Variants in PHF20L1 observed in about 807,000 individuals in gnomAD.
The protein encoded by PHF20L1 is PHD finger protein 20 like 1.
PHF20L1 carries 44 observed loss-of-function variants against 125.5 expected under a neutral mutation model. That is an observed-to-expected ratio of 0.35 (90% CI 0.28 to 0.45). The LOEUF is 0.45. Ranked by LOEUF, PHF20L1 falls within the 20% of genes least tolerant of loss-of-function variation. The pLI, the probability that PHF20L1 is intolerant of heterozygous loss-of-function variation, is 1.00. For missense variants in PHF20L1, 1,012 were observed against 1,217.2 expected (o/e 0.83, Z 2.51); for synonymous variants, 380 against 403.1 (o/e 0.94, Z 0.69).
chr8:132,785,430 T>A (rs112821900), intron 2 of PHF20L1, among the ~76,000 whole-genome samples: 1,803 of 152,044 alleles, frequency 0.012, 19 homozygotes, highest in Middle Eastern at 0.021. Flanking sequence ...TTTTAAGTGA[T>A]TTCTTTTAAG....
At chr8:132,838,709 A>G (rs936402446) in intron 17 of PHF20L1, 3 of 152,196 alleles carry the variant, frequency 2.0e-5, no homozygotes, top group Non-Finnish European at 2.9e-5. Flanking sequence ...GAATGTAGAC[A>G]TTTGTTCATT....
At position 132,846,958 on chromosome 8, in the gene PHF20L1, T is replaced by A. The variant is rs1007029125; in HGVS notation, c.*1035T>A. The A allele has an allele frequency of 6.6e-6, 1 of 152,574 alleles. No individual in the cohort carries two copies. The allele number at this position is 152,574 out of a possible 1,614,324, so 9.5% of individuals were successfully genotyped here. ...ACTGGAAAAGCTTCATTTCTGAAGA[T>A]GAATTTTATTTTTAAAAAATACATG... On this transcript the variant is annotated 3_prime_UTR_variant, in exon 21 of 21. Coordinates refer to ENST00000395386, the MANE Select transcript of PHF20L1 (RefSeq NM_016018.5).
At chr8:132,822,874 T>G (rs1002764809) in intron 12 of PHF20L1, among the ~76,000 whole-genome samples, 4 of 151,238 alleles carry the variant, frequency 2.6e-5, no homozygotes, top group African/African-American at 9.7e-5. Flanking sequence ...TGTAGAATGA[T>G]CTTAAAAAAT....
chr8:132,780,886 C>G (rs1479913574), intron 2 of PHF20L1, among the ~76,000 whole-genome samples: 2 of 141,926 alleles, frequency 1.4e-5, no homozygotes, highest in Non-Finnish European at 3.0e-5. Context: ...TTCTGTTTCT[C>G]AGGCTGGGAG....
chr8:132,797,213 A>G (rs763031921), intron 4 of PHF20L1, among the ~76,000 whole-genome samples: 32 of 152,062 alleles, frequency 2.1e-4, no homozygotes, highest in Middle Eastern at 3.2e-3. Context: ...CAAGTGGTGG[A>G]TAGGCCTGCC....
chr8:132,806,084 A>G (rs1280357396), intron 8 of PHF20L1, among the ~76,000 whole-genome samples: 1 of 151,918 alleles, frequency 6.6e-6, no homozygotes, highest in Admixed American at 6.6e-5. Flanking sequence ...AAACAACACT[A>G]TTGGAGGAGT....
intron 15 of PHF20L1, among the ~76,000 whole-genome samples, chr8:132,835,710 G>A (rs1457144430): frequency 6.6e-6 from 1 of 152,088 alleles, no homozygotes; most frequent in Non-Finnish European, 1.5e-5. Context: ...CACGGTTCCG[G>A]TTTTAAGAAA....
chr8:132,846,505 TG>T lies in PHF20L1; in HGVS notation c.*586del, dbSNP rs1344239632. 3.3e-5 allele frequency: 5 copies of T among 152,550 alleles called. No individual in the cohort carries two copies. The highest frequency in any genetic ancestry group is 9.7e-5 in the African/African-American group (4 of 41,426). 9.4% of individuals were successfully genotyped at this position (152,550 alleles called of 1,614,324 possible). On this transcript the variant is annotated 3_prime_UTR_variant, in exon 21 of 21. Transcript: ENST00000395386. The stretch of plus-strand genomic sequence containing the variant: ...AAACTGACAGTAGAAATCTCACTTC[TG>T]GGGAAAACAGTTGTGGAATTCTTAC...
rs377513749 is a variant in PHF20L1 at position 132,844,191 on chromosome 8, T to C, written c.2784T>C (p.Asn928=). 29 of 1,612,944 alleles carry C rather than the reference T, an allele frequency of 1.8e-5. No individual in the cohort carries two copies. In the African/African-American group the frequency reaches 3.3e-4, roughly 19 times the overall value. The part of the protein sequence containing the change: ...PAEGNTVFVY[N]DKKGTEDPGD... ...AAGGGAATACAGTATTTGTTTATAATGATAAAAAGGGCACCGAAGACCCAG... is the reference window on the plus strand; with the variant it reads ...AAGGGAATACAGTATTTGTTTATAACGATAAAAAGGGCACCGAAGACCCAG... Residue 928 remains asparagine, a synonymous_variant, in exon 20 of 21, where the codon AAT becomes AAC. Transcript: ENST00000395386.
intron 6 of PHF20L1, chr8:132,803,537 C>T (rs185111552): frequency 9.3e-5 from 31 of 334,604 alleles, no homozygotes; most frequent in African/African-American, 6.7e-4. Context: ...CATAGGTTTC[C>T]TCTGCTATTT....
intron 18 of PHF20L1, chr8:132,842,173 C>T (rs375030545): frequency 2.4e-5 from 4 of 168,272 alleles, no homozygotes; most frequent in African/African-American, 9.5e-5. Context: ...CACTTTTTGA[C>T]TGAATAAAAG....
chr8:132,782,091 C>G (rs1830495954), intron 2 of PHF20L1, among the ~76,000 whole-genome samples: 1 of 152,226 alleles, frequency 6.6e-6, no homozygotes, highest in South Asian at 2.1e-4. Flanking sequence ...AAACTCTGTG[C>G]ATCCAAACCT....
chr8:132,837,582 A>G (rs1837505089), intron 16 of PHF20L1, 130 bp from the exon 17 acceptor site: 2 of 642,018 alleles, frequency 3.1e-6, no homozygotes, highest in Non-Finnish European at 5.6e-6. Context: ...TTGTTGTGTC[A>G]AATAAGTATG....
Position 132,836,662 on chromosome 8 carries a change from C to T in PHF20L1, c.2032C>T (p.Leu678Phe), listed in dbSNP as rs1477330250. ...GGAATCTCAGGATGAGGATGATGCT[C>T]TTAATGAAATTGTGCGATGTATTTG... Reference protein sequence around the residue: ...FEESQDEDDALNEIVRCICEM... With the variant: ...FEESQDEDDAFNEIVRCICEM... The change falls in exon 16 of 21, where the codon CTT becomes TTT. Residue 678 changes from leucine to phenylalanine, a missense_variant. Coordinates refer to ENST00000395386, the MANE Select transcript of PHF20L1 (RefSeq NM_016018.5). 3.1e-6 allele frequency: 5 copies of T among 1,613,284 alleles called. No homozygotes were observed. The highest frequency in any genetic ancestry group is 3.4e-6 in the Non-Finnish European group (4 of 1,179,488).
Position 132,794,435 on chromosome 8 carries a change from G to A in PHF20L1, c.109G>A (p.Asp37Asn). 6.2e-7 allele frequency: 1 copy of A among 1,608,464 alleles called. No individual in the cohort carries two copies. Among genetic ancestry groups the A allele is most frequent in the Non-Finnish European group, 8.5e-7 (1 of 1,176,788 alleles). ...GTATCCATCACGAATTGAAAAAATTGACTATGAGGAGGGCAAGATGTTGGT... is the reference window on the plus strand; with the variant it reads ...GTATCCATCACGAATTGAAAAAATTAACTATGAGGAGGGCAAGATGTTGGT... ...KWYPSRIEKI[D>N]YEEGKMLVHF... Residue 37 changes from aspartate (D) to asparagine (N), a missense_variant, in exon 3 of 21, where the codon GAC becomes AAC. By Grantham distance (23) the Asp-to-Asn change is conservative. This residue lies in a region of PHF20L1 where 94 missense variants were observed against 179.5 expected (regional missense o/e 0.52). Coordinates refer to ENST00000395386, the MANE Select transcript of PHF20L1 (RefSeq NM_016018.5).
chr8:132,848,691 C>T lies in PHF20L1; in HGVS notation c.*2768C>T, dbSNP rs1009745520. On this transcript the variant is annotated 3_prime_UTR_variant, in exon 21 of 21. Coordinates refer to ENST00000395386, the MANE Select transcript of PHF20L1 (RefSeq NM_016018.5). ...TTATTCTTTAAATTTCAGGTAAAAC[C>T]CCTTTTCCTAACACTCATCTTATTT... 6.6e-6 allele frequency: 1 copy of T among 151,980 alleles called. No homozygotes were observed. The highest frequency in any genetic ancestry group is 1.5e-5 in the Non-Finnish European group (1 of 67,930). 9.4% of individuals were successfully genotyped at this position (151,980 alleles called of 1,614,324 possible).
chr8:132,795,610 G>T, intron 4 of PHF20L1, among the ~76,000 whole-genome samples: 1 of 151,970 alleles, frequency 6.6e-6, no homozygotes, highest in South Asian at 2.1e-4. Context: ...TTTTTAAATT[G>T]AGTAATACAT....
chr8:132,816,663 T>C (rs1179369923), intron 10 of PHF20L1: 1 of 389,218 alleles, frequency 2.6e-6, no homozygotes, highest in Non-Finnish European at 4.6e-6. Flanking sequence ...TTTATTTTCT[T>C]TTAGTTCTAG....
chr8:132,839,292 T>A (rs1029937216), intron 17 of PHF20L1, 95 bp from the exon 18 acceptor site: 11 of 900,510 alleles, frequency 1.2e-5, no homozygotes, highest in Non-Finnish European at 1.8e-5. Flanking sequence ...TGCTAGAGCT[T>A]GCCTTGCTTA....
Sources: gnomAD v4.1 joint callset for allele counts (sites outside exome capture counted in the v4.1 genomes callset) on GRCh38, gnomAD v4.1.1 for gene constraint, gnomAD v4.1.1 regional missense constraint, MANE v1.5 for transcripts, NCBI Gene and HGNC (gene_info 2026-07-23, HGNC 2026-07-21) for gene names.